The following SLC45A4 variants were observed in gnomAD, a reference collection of about 807,000 sequenced individuals.
SLC45A4 encodes the protein solute carrier family 45 member 4, also known as polyamine-transporter SLC45A4.
In SLC45A4, 32 loss-of-function variants were observed where a neutral mutation model predicts 63.7. That is an observed-to-expected ratio of 0.50 (90% CI 0.38 to 0.67). The LOEUF (loss-of-function observed/expected upper bound fraction) is 0.67. Ranked by LOEUF, SLC45A4 falls within the 30% of genes least tolerant of loss-of-function variation. The pLI is 0.00. For synonymous variants in SLC45A4, 535 were observed against 510.0 expected (o/e 1.05, Z -0.66); for missense variants, 1,027 against 1,157.7 (o/e 0.89, Z 1.64).
rs1364623948 is a variant in SLC45A4 at position 141,210,428 on chromosome 8, G to A, written c.*1144C>T. The stretch of plus-strand genomic sequence containing the variant: ...CACACATCCAGAAAATGTTCTTGAA[G>A]TCTTGAAAGTCAGCCCTCTGCGATC... On this transcript the variant is annotated 3_prime_UTR_variant, in exon 9 of 9. Coordinates refer to ENST00000517878, the MANE Select transcript of SLC45A4 (RefSeq NM_001286646.2). 2 of 92,428 alleles carry A rather than the reference G, an allele frequency of 2.2e-5. No homozygotes were observed. Among genetic ancestry groups the A allele is most frequent in the East Asian group, 5.7e-4 (1 of 1,768 alleles). 5.7% of individuals were successfully genotyped at this position (92,428 alleles called of 1,614,324 possible).
At chr8:141,240,818 G>A (rs373754840) in intron 2 of SLC45A4, among the ~76,000 whole-genome samples, 2 of 152,242 alleles carry the variant, frequency 1.3e-5, no homozygotes, top group South Asian at 2.1e-4. Context: ...GACACCACAC[G>A]CATCACCTGC....
intron 2 of SLC45A4, among the ~76,000 whole-genome samples, chr8:141,246,113 A>G (rs971355460): frequency 1.3e-5 from 2 of 152,230 alleles, no homozygotes; most frequent in African/African-American, 4.8e-5. Flanking sequence ...ATCAATACAA[A>G]CATGCTGCTT....
rs1827250502 is a variant in SLC45A4 at position 141,229,879 on chromosome 8, AC to A, written c.242-8115del. ...CGTGCTGCCCTGCATGTAAAGGGGC[AC>A]GCTGGGAAAGGTGGGCATTATGGAG... On this transcript the variant is annotated intron_variant, in intron 2 of 8. Coordinates refer to ENST00000517878, the MANE Select transcript of SLC45A4 (RefSeq NM_001286646.2). This position sits in a 1 kb window ranked among gnomAD's most constrained non-coding sequence, Gnocchi z 5.0. 6.6e-6 allele frequency among the ~76,000 whole-genome samples: 1 copy of A among 152,182 alleles called. No homozygotes were observed. The highest frequency in any genetic ancestry group is 2.4e-5 in the African/African-American group (1 of 41,442).
chr8:141,231,526 C>T (rs190669714), intron 2 of SLC45A4, among the ~76,000 whole-genome samples: 4 of 152,354 alleles, frequency 2.6e-5, no homozygotes, highest in East Asian at 1.9e-4. Flanking sequence ...TACCTGGAGT[C>T]GGATGCCACG....
chr8:141,270,953 C>T (rs1033401115), intron 1 of SLC45A4, among the ~76,000 whole-genome samples: 12 of 152,102 alleles, frequency 7.9e-5, no homozygotes, highest in Non-Finnish European at 1.3e-4. Context: ...CATGGCCTGG[C>T]GAGACAGGGA....
chr8:141,236,752 T>A (rs577453262), intron 2 of SLC45A4, among the ~76,000 whole-genome samples: 1 of 152,370 alleles, frequency 6.6e-6, no homozygotes, highest in East Asian at 1.9e-4. Flanking sequence ...TAATTTAACT[T>A]TATTTTGATA....
intron 8 of SLC45A4, 45 bp downstream of exon 8, chr8:141,212,152 C>T (rs760325403): frequency 3.0e-6 from 2 of 670,792 alleles, no homozygotes. Flanking sequence ...GCCCGCCCGC[C>T]CACCCGCCCA....
At chr8:141,241,169 CA>C (rs1328532851) in intron 2 of SLC45A4, among the ~76,000 whole-genome samples, 1 of 152,260 alleles carries the variant, frequency 6.6e-6, no homozygotes, top group African/African-American at 2.4e-5. Flanking sequence ...AAATGTAGTG[CA>C]TAACACACAC....
At position 141,211,176 on chromosome 8, in the gene SLC45A4, C is replaced by T. The variant is rs1825781355; in HGVS notation, c.*396G>A. 2.5e-5 allele frequency: 9 copies of T among 361,292 alleles called. No individual in the cohort carries two copies. The South Asian group carries it at 7.9e-4, about 32-fold the overall frequency. 22.4% of individuals were successfully genotyped at this position (361,292 alleles called of 1,614,324 possible). ...TGGGAGGCAGGGCCCGCTGGGAGCT[C>T]TGCTCTCAGGAATCCCCAGCAAATG... is the stretch of plus-strand genomic sequence containing the variant. On this transcript the variant is annotated 3_prime_UTR_variant, in exon 9 of 9. Transcript: ENST00000517878.
intron 2 of SLC45A4, among the ~76,000 whole-genome samples, chr8:141,234,520 CA>C (rs1201309556): frequency 2.6e-5 from 4 of 152,244 alleles, no homozygotes. Flanking sequence ...TCTACCCAAA[CA>C]GGGTCGCAGG....
At chr8:141,282,745 G>T (rs1231557543) in intron 1 of SLC45A4, among the ~76,000 whole-genome samples, 2 of 152,240 alleles carry the variant, frequency 1.3e-5, no homozygotes, top group Admixed American at 6.5e-5. Context: ...GATTTGGGAC[G>T]ATGTCGCAAG....
chr8:141,259,153 T>C (rs1391317321), intron 1 of SLC45A4, among the ~76,000 whole-genome samples: 2 of 152,050 alleles, frequency 1.3e-5, no homozygotes, highest in African/African-American at 4.8e-5. Context: ...AAAGAGAAGA[T>C]GAAAAGGAGG....
Position 141,215,657 on chromosome 8 carries a change from G to T in SLC45A4, c.1941+102C>A. 8.3e-7 allele frequency: 1 copy of T among 1,202,168 alleles called. No individual in the cohort carries two copies. The highest frequency in any genetic ancestry group is 1.2e-6 in the Non-Finnish European group (1 of 837,180). The allele number at this position is 1,202,168 out of a possible 1,614,324, so 74.5% of individuals were successfully genotyped here. ...AACCGGAGAGGAAGGAGGGCCATCT[G>T]TGTCGTGAACGTCCCCCCGGGGAAG... On this transcript the variant is annotated intron_variant, in intron 7 of 8. Transcript: ENST00000517878. The surrounding 1 kb of genome is among the most constrained non-coding windows in gnomAD (Gnocchi z 4.3).
rs564016568 is a variant in SLC45A4 at position 141,301,734 on chromosome 8, CAAAAAAAAAAAA to C, written c.-401+6350_-401+6361del. 2.0e-4 allele frequency among the ~76,000 whole-genome samples: 8 copies of C among 39,564 alleles called. 1 individual carries two copies. Among genetic ancestry groups the C allele is most frequent in the Admixed American group, 4.1e-4 (1 of 2,424 alleles). 26.0% of individuals were successfully genotyped at this position (39,564 alleles called of 152,430 possible). A position where few individuals can be genotyped will look rare whatever the true frequency, so the allele number is the denominator to read the frequency against. On this transcript the variant is annotated intron_variant, in intron 1 of 8. Transcript: ENST00000517878. ...TGGGGGACAGAATGAGACCCTATCT[CAAAAAAAAAAAA>C]AAAAAAAAAAAAAAAATCCTGGGCA...
At chr8:141,224,741 T>C (rs1415509880) in intron 2 of SLC45A4, 1 of 152,358 alleles carries the variant, frequency 6.6e-6, no homozygotes, top group East Asian at 1.9e-4. Flanking sequence ...CGTGAGCCAC[T>C]GCACCTGCCC....
At chr8:141,272,611 C>G (rs1829583610) in intron 1 of SLC45A4, among the ~76,000 whole-genome samples, 1 of 152,192 alleles carries the variant, frequency 6.6e-6, no homozygotes, top group South Asian at 2.1e-4. Flanking sequence ...AGCCTGCCAG[C>G]CCAGCCCAAC....
intron 1 of SLC45A4, among the ~76,000 whole-genome samples, chr8:141,284,933 C>A (rs1164487748): frequency 6.6e-6 from 1 of 152,186 alleles, no homozygotes; most frequent in Non-Finnish European, 1.5e-5. Context: ...AAGCGTCCAC[C>A]GTGGCATGCA....
intron 1 of SLC45A4, among the ~76,000 whole-genome samples, chr8:141,302,301 T>A (rs1316162438): frequency 2.0e-5 from 3 of 152,136 alleles, no homozygotes; most frequent in Non-Finnish European, 4.4e-5. Flanking sequence ...GCTCTTTCGC[T>A]CAGGCTGGAG....
At chr8:141,240,869 C>A (rs2154614477) in intron 2 of SLC45A4, among the ~76,000 whole-genome samples, 1 of 152,350 alleles carries the variant, frequency 6.6e-6, no homozygotes, top group South Asian at 2.1e-4. Context: ...CAGAGTGGGG[C>A]CTGCAGGACG....
Sources: allele counts gnomAD v4.1 joint callset (sites outside exome capture counted in the v4.1 genomes callset), GRCh38; gene constraint gnomAD v4.1.1; non-coding constraint Gnocchi (gnomAD v3.1); transcripts MANE v1.5; gene names NCBI Gene and HGNC (gene_info 2026-07-23, HGNC 2026-07-21).